Variants in WNK1 observed in about 807,000 individuals in gnomAD.
The protein encoded by WNK1 is serine/threonine-protein kinase WNK1.
In WNK1, 38 loss-of-function variants were observed where a neutral mutation model predicts 222.8. The ratio of observed to expected loss-of-function variants is 0.17; its 90% CI spans 0.13 to 0.22. WNK1 has a LOEUF of 0.22. Ranked by LOEUF, WNK1 falls within the 10% of genes least tolerant of loss-of-function variation. The pLI is 1.00. For missense variants in WNK1, 2,348 were observed against 2,918.4 expected (o/e 0.80, Z 4.50); for synonymous variants, 1,090 against 1,092.9 (o/e 1.00, Z 0.05).
chr12:896,886 CCACACA>C lies in WNK1; in HGVS notation c.6245+202_6245+207del, dbSNP rs34202153. Among the ~76,000 whole-genome samples, 2,915 of 134,420 alleles carry C rather than the reference CCACACA, an allele frequency of 0.022. 54 individuals are homozygous for C. Among genetic ancestry groups the C allele is most frequent in the East Asian group, 0.032 (150 of 4,704 alleles). The allele number at this position is 134,420 out of a possible 152,430, so 88.2% of individuals were successfully genotyped here. A position where few individuals can be genotyped will look rare whatever the true frequency, so the allele number is the denominator to read the frequency against. ...AGAAGCCCCACCCCATACCTCCCCA[CCACACA>C]CACACACACACACACACACACACAC... On this transcript the variant is annotated intron_variant, in intron 24 of 27. Coordinates refer to ENST00000315939, the MANE Select transcript of WNK1 (RefSeq NM_018979.4).
rs1591976042 is a variant in WNK1 at position 844,315 on chromosome 12, G to A, written c.1312-12846G>A. On this transcript the variant is annotated intron_variant, in intron 4 of 27. Transcript: ENST00000315939. ...CACAGCCGGCTAACATGTATTTTCT[G>A]GTAGAGATGGGGGTTTCACCATGTT... 2.0e-5 allele frequency among the ~76,000 whole-genome samples: 3 copies of A among 152,012 alleles called. No individual in the cohort carries two copies. In the East Asian group the frequency reaches 5.8e-4, roughly 29 times the overall value.
At chr12:843,214 G>A (rs1252036682) in intron 4 of WNK1, among the ~76,000 whole-genome samples, 5 of 152,234 alleles carry the variant, frequency 3.3e-5, no homozygotes, top group African/African-American at 1.2e-4. Flanking sequence ...TGGGATTACA[G>A]GTGTGAGCGA....
intron 4 of WNK1, among the ~76,000 whole-genome samples, chr12:838,107 G>GTGTGTGTGTA (rs1220649743): frequency 4.5e-4 from 63 of 139,182 alleles, no homozygotes; most frequent in Middle Eastern, 7.4e-3. Flanking sequence ...GTGTGTGTGT[G>GTGTGTGTGTA]TGTATGTATA....
intron 4 of WNK1, among the ~76,000 whole-genome samples, chr12:833,008 TTC>T (rs533273447): frequency 1.5e-3 from 232 of 150,314 alleles, no homozygotes; most frequent in African/African-American, 5.4e-3. Context: ...GTAATTTACA[TTC>T]TCTCTTTTTT....
At chr12:754,431 G>C in intron 1 of WNK1, 107 bp downstream of exon 1, 2 of 1,469,668 alleles carry the variant, frequency 1.4e-6, no homozygotes, top group African/African-American at 1.4e-5. Flanking sequence ...GTTGGACTCC[G>C]AGTGGGACGG....
chr12:860,912 C>A, intron 6 of WNK1, 101 bp from the exon 7 acceptor site: 1 of 1,044,500 alleles, frequency 9.6e-7, no homozygotes, highest in Non-Finnish European at 1.3e-6. Context: ...CTCTTCTCTA[C>A]TTTTTTTACA....
chr12:878,185 A>T (rs1438392729), intron 9 of WNK1, 27 bp from the exon 10 acceptor site: 4 of 1,613,932 alleles, frequency 2.5e-6, no homozygotes, highest in African/African-American at 1.3e-5. Flanking sequence ...TTTGAAATAA[A>T]ACTGAATCAT....
chr12:871,682 A>C (rs1952165227), intron 9 of WNK1, among the ~76,000 whole-genome samples: 1 of 152,032 alleles, frequency 6.6e-6, no homozygotes, highest in Admixed American at 6.5e-5. Flanking sequence ...AGCTCACTGC[A>C]ACCACCGCCT....
At chr12:794,361 C>T (rs1313797813) in intron 1 of WNK1, among the ~76,000 whole-genome samples, 1 of 152,182 alleles carries the variant, frequency 6.6e-6, no homozygotes, top group East Asian at 1.9e-4. Context: ...TACCATTTTA[C>T]ATTCTCTACA....
chr12:871,739 A>C (rs1428967116), intron 9 of WNK1, among the ~76,000 whole-genome samples: 1 of 152,018 alleles, frequency 6.6e-6, no homozygotes, highest in South Asian at 2.1e-4. Flanking sequence ...CGTAGCTGGG[A>C]CTACAGGTGC....
chr12:859,378 T>C lies in WNK1; in HGVS notation c.1534T>C (p.Leu512=), dbSNP rs1951019903. ...GCTACGTATTGAAGATATTAAGAAA[T>C]TAAAGGGAAAATACAAAGATAATGA... is the stretch of plus-strand genomic sequence containing the variant. ...LWLRIEDIKK[L]KGKYKDNEAI... The change falls in exon 6 of 28, where the codon TTA becomes CTA. Residue 512 remains leucine, a synonymous_variant. Transcript: ENST00000315939. 3 of 1,612,716 alleles carry C rather than the reference T, an allele frequency of 1.9e-6. No individual in the cohort carries two copies. The East Asian group carries it at 6.7e-5, about 36-fold the overall frequency.
chr12:827,543 T>C lies in WNK1; in HGVS notation c.1153+281T>C, dbSNP rs1948451657. The C allele has an allele frequency of 1.9e-6, 1 of 515,794 alleles. No individual in the cohort carries two copies. The highest frequency in any genetic ancestry group is 1.9e-5 in the African/African-American group (1 of 52,472). The allele number at this position is 515,794 out of a possible 1,614,324, so 32.0% of individuals were successfully genotyped here. ...TTTTTGTTGTTGTTGTTGTTGTTGT[T>C]GTTGAGATGGAGTCTCTCTCTGTCA... is the stretch of plus-strand genomic sequence containing the variant. On this transcript the variant is annotated intron_variant, in intron 3 of 27. Coordinates refer to ENST00000315939, the MANE Select transcript of WNK1 (RefSeq NM_018979.4). This position sits in a 1 kb window ranked among gnomAD's most constrained non-coding sequence, Gnocchi z 4.6.
intron 9 of WNK1, among the ~76,000 whole-genome samples, chr12:873,423 A>C (rs1404946422): frequency 1.3e-5 from 2 of 152,130 alleles, no homozygotes; most frequent in South Asian, 4.1e-4. Context: ...ACAAAAATTA[A>C]TTTTTGTTTC....
chr12:764,994 C>A (rs940427263), intron 1 of WNK1, among the ~76,000 whole-genome samples: 1 of 147,504 alleles, frequency 6.8e-6, no homozygotes. Context: ...TGCCACCACA[C>A]CCAGCTAATT....
At chr12:794,181 C>T (rs1945098282) in intron 1 of WNK1, among the ~76,000 whole-genome samples, 1 of 152,006 alleles carries the variant, frequency 6.6e-6, no homozygotes, top group African/African-American at 2.4e-5. Context: ...TGTGTTGTTT[C>T]CCGTTTTGGG....
chr12:882,720 G>T (rs934482008), intron 14 of WNK1, among the ~76,000 whole-genome samples: 5 of 152,090 alleles, frequency 3.3e-5, no homozygotes, highest in African/African-American at 7.2e-5. Flanking sequence ...TTATCTTTTA[G>T]AAAAAGAATA....
At chr12:819,803 A>G (rs1565475396) in intron 2 of WNK1, among the ~76,000 whole-genome samples, 1 of 152,196 alleles carries the variant, frequency 6.6e-6, no homozygotes, top group Non-Finnish European at 1.5e-5. Flanking sequence ...CAGTTATCCC[A>G]GCATCATTTG....
At chr12:818,446 T>C (rs1476446424) in intron 2 of WNK1, among the ~76,000 whole-genome samples, 1 of 152,204 alleles carries the variant, frequency 6.6e-6, no homozygotes, top group Non-Finnish European at 1.5e-5. Context: ...GTGGTTGGAC[T>C]GCCTGATCTC....
chr12:824,771 A>G (rs1307749834), intron 2 of WNK1, among the ~76,000 whole-genome samples: 1 of 152,162 alleles, frequency 6.6e-6, no homozygotes, highest in Non-Finnish European at 1.5e-5. Context: ...TAAAATTTCC[A>G]ATATTTTATT....
Sources: gnomAD v4.1 joint callset for allele counts (sites outside exome capture counted in the v4.1 genomes callset) on GRCh38, gnomAD v4.1.1 for gene constraint, Gnocchi (gnomAD v3.1) non-coding constraint, MANE v1.5 for transcripts, NCBI Gene and HGNC (gene_info 2026-07-23, HGNC 2026-07-21) for gene names.